Variants in CNKSR2 observed in about 807,000 individuals in gnomAD.
The protein encoded by CNKSR2 is connector enhancer of kinase suppressor of Ras 2.
CNKSR2 carries 14 observed loss-of-function variants against 84.4 expected under a neutral mutation model. The ratio of observed to expected loss-of-function variants is 0.17; its 90% CI spans 0.11 to 0.26. The LOEUF is 0.26. Ranked by LOEUF, CNKSR2 falls within the 10% of genes least tolerant of loss-of-function variation. CNKSR2 has a pLI of 1.00. For synonymous variants in CNKSR2, 275 were observed against 277.9 expected (o/e 0.99, Z 0.10); for missense variants, 485 against 771.2 (o/e 0.63, Z 4.40).
chrX:21,503,703 G>C (rs1402813813), intron 8 of CNKSR2: 1 of 115,184 alleles, frequency 8.7e-6, no homozygotes, highest in East Asian at 2.6e-4. Flanking sequence ...AGGAGAAGAA[G>C]AAAGGAAGTG....
intron 5 of CNKSR2, among the ~76,000 whole-genome samples, chrX:21,474,442 C>A (rs1211511750): frequency 8.9e-6 from 1 of 111,761 alleles, no homozygotes; most frequent in African/African-American, 3.3e-5. Context: ...AGAAGCCCTG[C>A]AGAATTTGCC....
chrX:21,643,404 T>TACATGTTCAGAGA (rs1025715718), intron 20 of CNKSR2: 29 of 112,008 alleles, frequency 2.6e-4, no homozygotes, highest in African/African-American at 8.7e-4. Flanking sequence ...TAACAGAAAT[T>TACATGTTCAGAGA]ACATGTTCAG....
chrX:21,428,318 CAT>C (rs888781825), intron 2 of CNKSR2: 2 of 111,892 alleles, frequency 1.8e-5, no homozygotes, highest in African/African-American at 6.5e-5. Context: ...TAAAGGAAGA[CAT>C]AGAAAAATTA....
At chrX:21,508,518 G>C (rs1317385176) in intron 8 of CNKSR2, among the ~76,000 whole-genome samples, 2 of 111,889 alleles carry the variant, frequency 1.8e-5, no homozygotes, top group Non-Finnish European at 3.8e-5. Context: ...TTTTGATGAA[G>C]TAAAAGGACA....
At chrX:21,391,787 T>G (rs988798689) in intron 1 of CNKSR2, among the ~76,000 whole-genome samples, 1 of 112,419 alleles carries the variant, frequency 8.9e-6, no homozygotes, top group Non-Finnish European at 1.9e-5. Flanking sequence ...TTGTACCAGA[T>G]AGTCAGACTG....
chrX:21,532,110 G>C, intron 11 of CNKSR2, 43 bp downstream of exon 11: 1 of 986,183 alleles, frequency 1.0e-6, no homozygotes. Flanking sequence ...TATATTTCTG[G>C]CATAGGAATC....
intron 2 of CNKSR2, among the ~76,000 whole-genome samples, chrX:21,431,775 A>G (rs752137226): frequency 1.8e-5 from 2 of 112,102 alleles, no homozygotes; most frequent in South Asian, 7.4e-4. Flanking sequence ...GATAGTAAAA[A>G]GGCTTATTAC....
At chrX:21,379,840 A>G (rs1468118882) in intron 1 of CNKSR2, among the ~76,000 whole-genome samples, 1 of 111,765 alleles carries the variant, frequency 8.9e-6, no homozygotes, top group African/African-American at 3.3e-5. Context: ...TTGGAAAGAG[A>G]AGATGATAAT....
chrX:21,507,671 G>A (rs2091627301), intron 8 of CNKSR2, among the ~76,000 whole-genome samples: 1 of 111,438 alleles, frequency 9.0e-6, no homozygotes, highest in African/African-American at 3.3e-5. Flanking sequence ...GCTAGTAAAT[G>A]ACATTGTAAA....
chrX:21,582,770 AG>A (rs1304986734), intron 13 of CNKSR2, among the ~76,000 whole-genome samples: 3 of 111,888 alleles, frequency 2.7e-5, no homozygotes, highest in Non-Finnish European at 5.6e-5. Context: ...TAAGGATGGC[AG>A]TTCTTATTTC....
At chrX:21,475,241 C>A (rs921781973) in intron 5 of CNKSR2, among the ~76,000 whole-genome samples, 7 of 111,368 alleles carry the variant, frequency 6.3e-5, no homozygotes, top group Non-Finnish European at 1.3e-4. Flanking sequence ...TGATGGATAC[C>A]CCCATTTACC....
chrX:21,452,753 C>CTTATTTTATT (rs3050694), intron 4 of CNKSR2, among the ~76,000 whole-genome samples: 3,116 of 86,825 alleles, frequency 0.036, 129 homozygotes, highest in African/African-American at 0.061. Flanking sequence ...ACAAGCATGA[C>CTTATTTTATT]TTATTTTATT....
At chrX:21,514,247 C>T (rs1300131218) in intron 8 of CNKSR2, among the ~76,000 whole-genome samples, 1 of 111,513 alleles carries the variant, frequency 9.0e-6, no homozygotes, top group East Asian at 2.8e-4. Context: ...CCAATCATTT[C>T]CTTATGGTAG....
At position 21,501,533 on chromosome X, in the gene CNKSR2, G is replaced by A. The variant is rs757468677; in HGVS notation, c.755G>A (p.Arg252Gln). 6 of 1,151,247 alleles carry A rather than the reference G, an allele frequency of 5.2e-6. No individual in the cohort carries two copies. In the South Asian group the frequency reaches 6.0e-5, roughly 12 times the overall value. The allele number at this position is 1,151,247 out of a possible 1,213,427, so 94.9% of individuals were successfully genotyped here. A position where few individuals can be genotyped will look rare whatever the true frequency, so the allele number is the denominator to read the frequency against. ...TATTAAATTCAGTCACCTGCAGATC[G>A]GTGCAAGAAAATCCATGCTGGCGAT... ...TGTTENSPAD[R>Q]CKKIHAGDEV... The change falls in exon 8 of 22, where the codon CGG becomes CAG. Residue 252 changes from arginine to glutamine, a missense_variant. By Grantham distance (43) the Arg-to-Gln change is conservative. Transcript: ENST00000379510.
intron 11 of CNKSR2, among the ~76,000 whole-genome samples, chrX:21,558,250 C>T (rs1199557305): frequency 9.0e-6 from 1 of 111,369 alleles, no homozygotes; most frequent in East Asian, 2.8e-4. Context: ...GCTATTTATA[C>T]AAGAATGTTA....
At chrX:21,619,613 T>C (rs749433212) in intron 20 of CNKSR2, among the ~76,000 whole-genome samples, 5 of 110,475 alleles carry the variant, frequency 4.5e-5, no homozygotes, top group Non-Finnish European at 9.5e-5. Flanking sequence ...GCTATTTTCG[T>C]TATAATTTTT....
Position 21,405,466 on chromosome X carries a change from G to A in CNKSR2, c.65-21031G>A, listed in dbSNP as rs1008364025. Among the ~76,000 whole-genome samples, 3 of 111,287 alleles carry A rather than the reference G, an allele frequency of 2.7e-5. No homozygotes were observed. In the Admixed American group the frequency reaches 2.9e-4, roughly 11 times the overall value. ...TTTTCTAATTGGCTTTGCTGAGTAT[G>A]GGGAAGTTATTGAATACTGCTCTTG... On this transcript the variant is annotated intron_variant, in intron 1 of 21. Transcript: ENST00000379510.
At chrX:21,411,063 A>T in intron 1 of CNKSR2, among the ~76,000 whole-genome samples, 1 of 111,314 alleles carries the variant, frequency 9.0e-6, no homozygotes, top group East Asian at 2.8e-4. Flanking sequence ...TTTCAGTCAT[A>T]TTTAATAAGA....
At chrX:21,629,733 G>A (rs1337153120) in intron 20 of CNKSR2, among the ~76,000 whole-genome samples, 2 of 112,136 alleles carry the variant, frequency 1.8e-5, no homozygotes, top group African/African-American at 6.5e-5. Flanking sequence ...AGATTTGGAT[G>A]GGCCAAACCA....
Sources: allele counts gnomAD v4.1 joint callset (sites outside exome capture counted in the v4.1 genomes callset), GRCh38; gene constraint gnomAD v4.1.1; transcripts MANE v1.5; gene names NCBI Gene and HGNC (gene_info 2026-07-23, HGNC 2026-07-21).